TBCE: variants seen among roughly 807,000 people sequenced by gnomAD.
TBCE encodes the protein tubulin-specific chaperone E.
In TBCE, 53 loss-of-function variants were observed where a neutral mutation model predicts 77.0. The observed-to-expected ratio is 0.69, with a 90% CI of 0.55 to 0.87. TBCE has a LOEUF of 0.87. Among genes scored for constraint, TBCE ranks in the 40% least tolerant of loss-of-function variants. The probability of loss-of-function intolerance (pLI) is 0.00; values close to 1 mark genes in which losing one functional copy is unlikely to be tolerated. For synonymous variants in TBCE, 235 were observed against 241.3 expected, an observed-to-expected ratio of 0.97 and a Z score of 0.24; for missense variants, 624 against 622.4, an observed-to-expected ratio of 1.00 and a Z score of -0.03.
intron 2 of TBCE, among the ~76,000 whole-genome samples, chr1:235,389,191 A>G (rs1456687814): frequency 6.6e-6 from 1 of 152,208 alleles, no homozygotes; most frequent in Non-Finnish European, 1.5e-5. Flanking sequence ...TGAAGTTTTT[A>G]ATTTATTTAA....
In TBCE at chr1:235,441,800, GCTTT is replaced by G; in HGVS notation, c.1271-10_1271-7del. Reference sequence around the variant, plus strand: ...CTTTGGTTTATCATTCATCTCTTTTGCTTTCTTAAACAGAATATGGTGCACCTGA... The same window carrying G: ...CTTTGGTTTATCATTCATCTCTTTTGCTTAAACAGAATATGGTGCACCTGA... On this transcript the variant is annotated splice_polypyrimidine_tract_variant and intron_variant, in intron 13 of 16. Coordinates refer to ENST00000642610, the MANE Select transcript of TBCE (RefSeq NM_003193.5). 1 of 1,612,988 alleles carries G rather than the reference GCTTT, an allele frequency of 6.2e-7. No individual in the cohort carries two copies. Among genetic ancestry groups the G allele is most frequent in the Non-Finnish European group, 8.5e-7 (1 of 1,179,256 alleles).
At chr1:235,376,045 AAAAC>A (rs1486083100) in intron 1 of TBCE, among the ~76,000 whole-genome samples, 7 of 152,244 alleles carry the variant, frequency 4.6e-5, no homozygotes, top group South Asian at 2.1e-4. Flanking sequence ...GACTCTTCTC[AAAAC>A]AAACAAACAA....
At chr1:235,377,047 A>G (rs1677342583) in intron 1 of TBCE, among the ~76,000 whole-genome samples, 1 of 152,090 alleles carries the variant, frequency 6.6e-6, no homozygotes, top group Non-Finnish European at 1.5e-5. Flanking sequence ...TTGCTTTTCA[A>G]CACTACTGGG....
Position 235,450,492 on chromosome 1 carries a change from G to T in TBCE, c.*1730G>T. 2.2e-6 allele frequency: 2 copies of T among 918,232 alleles called. No homozygotes were observed. The highest frequency in any genetic ancestry group is 2.6e-5 in the East Asian group (1 of 37,850). 56.9% of individuals were successfully genotyped at this position (918,232 alleles called of 1,614,324 possible). On this transcript the variant is annotated 3_prime_UTR_variant, in exon 17 of 17. Transcript: ENST00000642610. ...TGTGGAACAACTGGTGAGGTTTGGG[G>T]GTGGCACCTCCTGATTTGGGAAAGC...
chr1:235,430,634 G>T (rs948286282), intron 6 of TBCE, 71 bp from the exon 7 acceptor site: 13 of 1,077,366 alleles, frequency 1.2e-5, no homozygotes, highest in Admixed American at 8.2e-5. Context: ...CCAGATTGTT[G>T]CTTTCAACAA....
chr1:235,397,124 G>A (rs1179668117), intron 2 of TBCE, among the ~76,000 whole-genome samples: 1 of 151,554 alleles, frequency 6.6e-6, no homozygotes, highest in African/African-American at 2.4e-5. Context: ...ACAGGGGTGC[G>A]CCACCACGCC....
intron 3 of TBCE, among the ~76,000 whole-genome samples, chr1:235,402,737 G>A (rs377629870): frequency 3.3e-5 from 5 of 151,952 alleles, no homozygotes; most frequent in Admixed American, 6.6e-5. Context: ...TGATCTTCGC[G>A]CCTCAGTCTC....
At chr1:235,447,992 C>CCT (rs1321980673) in intron 15 of TBCE, among the ~76,000 whole-genome samples, 4 of 151,890 alleles carry the variant, frequency 2.6e-5, no homozygotes, top group Non-Finnish European at 5.9e-5. Context: ...GGGCGGATCA[C>CCT]GAGGTCAGGA....
At position 235,430,713 on chromosome 1, in the gene TBCE, A is replaced by C. The variant is rs150592371; in HGVS notation, c.569A>C (p.Lys190Thr). 725 of 1,612,486 alleles carry C rather than the reference A, an allele frequency of 4.5e-4. No individual in the cohort carries two copies. Among genetic ancestry groups the C allele is most frequent in the Non-Finnish European group, 5.6e-4 (656 of 1,179,024 alleles). Residue 190 changes from lysine to threonine, a missense_variant, in exon 7 of 17, where the codon AAA (lysine) becomes ACA (threonine). Physicochemically the swap from Lys to Thr is moderately conservative, Grantham distance 78 (BLOSUM62 -1). Coordinates refer to ENST00000642610, the MANE Select transcript of TBCE (RefSeq NM_003193.5). ...HLEVLNVSENKLKFPSGSVLT... is the reference protein window; with the variant it reads ...HLEVLNVSENTLKFPSGSVLT... The stretch of plus-strand genomic sequence containing the variant: ...CTTTTTTTTCTACACAGTGAAAATA[A>C]ACTAAAATTTCCCTCCGGTTCAGTA...
At chr1:235,394,456 C>G (rs1432643493) in intron 2 of TBCE, among the ~76,000 whole-genome samples, 1 of 99,026 alleles carries the variant, frequency 1.0e-5, no homozygotes, top group Non-Finnish European at 1.9e-5. Context: ...GACAGGTTGT[C>G]ACTCTGTTGC....
chr1:235,414,003 C>T (rs1679966091), intron 3 of TBCE: 1 of 239,808 alleles, frequency 4.2e-6, no homozygotes, highest in South Asian at 5.0e-5. Flanking sequence ...TACAGGTGTG[C>T]ACCACCACGC....
chr1:235,401,923 A>G (rs1259385308), intron 3 of TBCE, among the ~76,000 whole-genome samples: 1 of 150,904 alleles, frequency 6.6e-6, no homozygotes, highest in Non-Finnish European at 1.5e-5. Context: ...AGTAAATAAT[A>G]GAAAAGAGAA....
chr1:235,372,729 C>T (rs1179741370), intron 1 of TBCE, among the ~76,000 whole-genome samples: 3 of 151,658 alleles, frequency 2.0e-5, no homozygotes, highest in African/African-American at 4.8e-5. Context: ...TCGAGACCAT[C>T]CTGGCTAACA....
intron 5 of TBCE, among the ~76,000 whole-genome samples, chr1:235,426,939 C>A (rs138098783): frequency 2.0e-5 from 3 of 152,180 alleles, no homozygotes; most frequent in Admixed American, 1.3e-4. Context: ...AGCCACCGCG[C>A]CTGGCCTCAC....
chr1:235,379,896 C>T (rs577522354), intron 1 of TBCE, 123 bp from the exon 2 acceptor site: 86 of 564,030 alleles, frequency 1.5e-4, no homozygotes, highest in Non-Finnish European at 2.2e-4. Flanking sequence ...TGCAGTGAGC[C>T]GAGATTGCGC....
At chr1:235,401,787 C>T (rs55851129) in intron 3 of TBCE, among the ~76,000 whole-genome samples, 200 bp downstream of exon 3, 2 of 134,672 alleles carry the variant, frequency 1.5e-5, no homozygotes, top group South Asian at 4.6e-4. Context: ...TAAAAAAATT[C>T]TGACTCTTGA....
rs1681622650 is a variant in TBCE at position 235,438,684 on chromosome 1, TGGAGGAA to T, written c.1117-81_1117-75del. ...ATTTGATTATTTTCTGCATGTGCTATGGAGGAAGGACAAGGTGCAAAACGCAAAGGAC... is the reference window on the plus strand; with the variant it reads ...ATTTGATTATTTTCTGCATGTGCTATGGACAAGGTGCAAAACGCAAAGGAC... On this transcript the variant is annotated intron_variant, in intron 12 of 16. Transcript: ENST00000642610. The T allele has an allele frequency of 7.3e-6, 11 of 1,509,644 alleles. No homozygotes were observed. In the South Asian group the frequency reaches 1.3e-4, roughly 17 times the overall value. 93.5% of individuals were successfully genotyped at this position (1,509,644 alleles called of 1,614,324 possible).
chr1:235,448,301 G>GTAAC (rs750739617), intron 15 of TBCE, 48 bp from the exon 16 acceptor site: 5 of 1,501,106 alleles, frequency 3.3e-6, no homozygotes, highest in African/African-American at 2.8e-5. Context: ...AGTTTTACAG[G>GTAAC]TAACTGTCAT....
chr1:235,419,472 G>A lies in TBCE; in HGVS notation c.372-1G>A, dbSNP rs754859907. On this transcript the variant is annotated splice_acceptor_variant, in intron 4 of 16. Transcript: ENST00000642610. LOFTEE classifies it high-confidence loss of function. ...CCATGTGAACTCTGTTTTTCATGCAGTCAGCTGAGCAAGTTGCAAGAAGTT... is the reference window on the plus strand; with the variant it reads ...CCATGTGAACTCTGTTTTTCATGCAATCAGCTGAGCAAGTTGCAAGAAGTT... The A allele has an allele frequency of 6.2e-7, 1 of 1,614,086 alleles. No individual in the cohort carries two copies. The highest frequency in any genetic ancestry group is 1.7e-5 in the Admixed American group (1 of 60,012).
Sources: allele counts gnomAD v4.1 joint callset (sites outside exome capture counted in the v4.1 genomes callset), GRCh38; gene constraint gnomAD v4.1.1; transcripts MANE v1.5; gene names NCBI Gene and HGNC (gene_info 2026-07-23, HGNC 2026-07-21).